Variants in DEFB123 observed in about 807,000 individuals in gnomAD.
DEFB123 encodes the protein beta-defensin 123.
For missense variants in DEFB123, 71 were observed against 75.0 expected, an observed-to-expected ratio of 0.95 and a Z score of 0.20; for synonymous variants, 22 against 28.3, an observed-to-expected ratio of 0.78 and a Z score of 0.71.
intron 1 of DEFB123, 64 bp from the exon 2 acceptor site, chr20:31,449,965 C>T (rs1979695538): frequency 2.8e-5 from 42 of 1,505,618 alleles, no homozygotes; most frequent in Non-Finnish European, 3.7e-5. Flanking sequence ...TTTTACAGAC[C>T]TTTCAAATCC....
chr20:31,443,641 A>T (rs903918649), intron 1 of DEFB123, among the ~76,000 whole-genome samples: 7 of 152,146 alleles, frequency 4.6e-5, no homozygotes, highest in African/African-American at 1.7e-4. Flanking sequence ...CAACCAGTAG[A>T]CTGCTAGCAG....
At chr20:31,441,999 A>G (rs1435677444) in intron 1 of DEFB123, among the ~76,000 whole-genome samples, 1 of 152,170 alleles carries the variant, frequency 6.6e-6, no homozygotes. Flanking sequence ...TGGCTTCTCT[A>G]TTTTCTCTAA....
intron 1 of DEFB123, 59 bp from the exon 2 acceptor site, chr20:31,449,970 A>G: frequency 2.6e-6 from 4 of 1,514,210 alleles, no homozygotes; most frequent in Non-Finnish European, 3.5e-6. Flanking sequence ...CAGACCTTTC[A>G]AATCCGGAGC....
chr20:31,441,602 C>A (rs533360239), intron 1 of DEFB123, among the ~76,000 whole-genome samples: 1 of 152,214 alleles, frequency 6.6e-6, no homozygotes, highest in African/African-American at 2.4e-5. Context: ...CAGAGAAAGA[C>A]CCTGGTCAGA....
intron 1 of DEFB123, among the ~76,000 whole-genome samples, chr20:31,443,105 G>A (rs566184263): frequency 5.3e-5 from 8 of 152,286 alleles, no homozygotes; most frequent in East Asian, 1.9e-4. Context: ...CACGACCCTC[G>A]TTGGATGTGG....
At chr20:31,446,474 G>A (rs984415767) in intron 1 of DEFB123, among the ~76,000 whole-genome samples, 1 of 152,200 alleles carries the variant, frequency 6.6e-6, no homozygotes, top group Non-Finnish European at 1.5e-5. Flanking sequence ...CCTTCTTGCC[G>A]ATATGATTTC....
At chr20:31,442,702 G>A (rs1214422520) in intron 1 of DEFB123, among the ~76,000 whole-genome samples, 1 of 145,116 alleles carries the variant, frequency 6.9e-6, no homozygotes, top group Non-Finnish European at 1.5e-5. Flanking sequence ...TCCACCTCCC[G>A]GATTCAAGCA....
chr20:31,444,344 G>A (rs749031524), intron 1 of DEFB123, among the ~76,000 whole-genome samples: 48 of 149,700 alleles, frequency 3.2e-4, no homozygotes, highest in Non-Finnish European at 4.3e-4. Context: ...TCATACTCTA[G>A]TTAATCAAAT....
chr20:31,445,188 C>G (rs543981105), intron 1 of DEFB123, among the ~76,000 whole-genome samples: 2 of 152,320 alleles, frequency 1.3e-5, no homozygotes, highest in South Asian at 4.1e-4. Context: ...GAGGTTTGAT[C>G]AGGCTCAAGT....
intron 1 of DEFB123, among the ~76,000 whole-genome samples, chr20:31,444,818 C>A (rs941426970): frequency 2.0e-5 from 3 of 152,118 alleles, no homozygotes; most frequent in African/African-American, 7.2e-5. Context: ...ACAGTCACTC[C>A]GAAAACGTCT....
At chr20:31,446,499 C>G (rs940370522) in intron 1 of DEFB123, among the ~76,000 whole-genome samples, 4 of 152,152 alleles carry the variant, frequency 2.6e-5, no homozygotes, top group Non-Finnish European at 5.9e-5. Context: ...ACAAAGTTTC[C>G]GAGAGTTGTG....
At chr20:31,440,899 C>A in intron 1 of DEFB123, 143 bp downstream of exon 1, 1 of 905,624 alleles carries the variant, frequency 1.1e-6, no homozygotes, top group Non-Finnish European at 1.7e-6. Flanking sequence ...GCAGCAGGTG[C>A]CAGCTGATAG....
At chr20:31,446,721 G>T (rs1013224010) in intron 1 of DEFB123, among the ~76,000 whole-genome samples, 1 of 152,180 alleles carries the variant, frequency 6.6e-6, no homozygotes, top group East Asian at 1.9e-4. Context: ...CGCACATTGT[G>T]TAAGAACCTT....
chr20:31,444,058 AG>A (rs1294495261), intron 1 of DEFB123, among the ~76,000 whole-genome samples: 1 of 152,194 alleles, frequency 6.6e-6, no homozygotes, highest in Non-Finnish European at 1.5e-5. Flanking sequence ...CTGAGCAATG[AG>A]TTTGCTGTTC....
intron 1 of DEFB123, among the ~76,000 whole-genome samples, chr20:31,447,498 CACTT>C (rs1232252829): frequency 6.6e-6 from 1 of 151,882 alleles, no homozygotes; most frequent in Non-Finnish European, 1.5e-5. Context: ...TCTATTTCTC[CACTT>C]TTAGAATATT....
chr20:31,448,416 T>G (rs1979646358), intron 1 of DEFB123, among the ~76,000 whole-genome samples: 1 of 152,192 alleles, frequency 6.6e-6, no homozygotes, highest in Non-Finnish European at 1.5e-5. Flanking sequence ...TTGAAATTTT[T>G]CAGCCATTAT....
At position 31,450,088 on chromosome 20, in the gene DEFB123, GAA is replaced by G. The variant is rs1311635875; in HGVS notation, c.120_121del (p.Arg41SerfsTer8). On this transcript the variant is annotated frameshift_variant, in exon 2 of 2. Transcript: ENST00000376309. LOFTEE classifies it low-confidence loss of function (END_TRUNC). The part of the protein sequence containing the change: ...GKCRYRCSKK[E>X]RVYVYCINNK... ...ATGCCGTTACAGATGCTCCAAGAAG[GAA>G]AGAGTCTATGTTTACTGCATAAATA... The G allele has an allele frequency of 6.2e-7, 1 of 1,612,700 alleles. No homozygotes were observed. Among genetic ancestry groups the G allele is most frequent in the Non-Finnish European group, 8.5e-7 (1 of 1,179,472 alleles).
chr20:31,443,930 C>T (rs1979525040), intron 1 of DEFB123, among the ~76,000 whole-genome samples: 1 of 152,142 alleles, frequency 6.6e-6, no homozygotes, highest in Admixed American at 6.6e-5. Flanking sequence ...TCTGAACCCC[C>T]CAGGTTCATC....
chr20:31,449,402 C>G (rs942378146), intron 1 of DEFB123, among the ~76,000 whole-genome samples: 2 of 151,988 alleles, frequency 1.3e-5, no homozygotes, highest in African/African-American at 4.8e-5. Flanking sequence ...TAATTTAGCC[C>G]CCACTACTAA....
Sources: allele counts gnomAD v4.1 joint callset (sites outside exome capture counted in the v4.1 genomes callset), GRCh38; gene constraint gnomAD v4.1.1; transcripts MANE v1.5; gene names NCBI Gene and HGNC (gene_info 2026-07-23, HGNC 2026-07-21).